Variants in AMBN observed in about 807,000 individuals in gnomAD.
AMBN encodes the protein ameloblastin, also known as enamel matrix protein.
In AMBN, 54 loss-of-function variants were observed where a neutral mutation model predicts 48.0. The observed-to-expected ratio is 1.12, with a 90% confidence interval of 0.90 to 1.41. AMBN has a LOEUF of 1.41. Among genes scored for constraint, AMBN ranks in the 40% most tolerant of loss-of-function variants. AMBN has a pLI of 0.00. For missense variants in AMBN, 571 were observed against 547.3 expected (o/e 1.04, Z -0.43); for synonymous variants, 186 against 190.0 (o/e 0.98, Z 0.17).
intron 1 of AMBN, among the ~76,000 whole-genome samples, chr4:70,592,754 T>C (rs577246599): frequency 1.3e-5 from 2 of 152,280 alleles, no homozygotes; most frequent in East Asian, 3.9e-4. Context: ...TTGAGACATA[T>C]TTTCCACTAA....
chr4:70,596,137 A>T (rs1453929759), intron 2 of AMBN, among the ~76,000 whole-genome samples: 1 of 152,126 alleles, frequency 6.6e-6, no homozygotes, highest in Non-Finnish European at 1.5e-5. Context: ...CAAAAATACA[A>T]AAATTAGCCG....
intron 2 of AMBN, among the ~76,000 whole-genome samples, chr4:70,595,371 G>GTAAATTTTGT (rs1156817401): frequency 3.2e-4 from 49 of 151,834 alleles, no homozygotes; most frequent in Non-Finnish European, 6.3e-4. Flanking sequence ...TATTTTTGTA[G>GTAAATTTTGT]AGACGCGGTT....
chr4:70,602,174 C>G (rs1737534644), intron 6 of AMBN, among the ~76,000 whole-genome samples: 1 of 152,054 alleles, frequency 6.6e-6, no homozygotes, highest in Non-Finnish European at 1.5e-5. Flanking sequence ...ATCATTCCCC[C>G]ATATCACCCT....
chr4:70,599,585 G>T lies in AMBN; in HGVS notation c.233G>T (p.Gly78Val), dbSNP rs145763811. ...TCATTTAATTCTTTGTGGATGCACG[G>T]TCTCCTCCCACCACATTCCTCTCTT... ...GKSFNSLWMHGLLPPHSSLPW... is the reference protein window; with the variant it reads ...GKSFNSLWMHVLLPPHSSLPW... Residue 78 changes from glycine to valine, a missense_variant, in exon 5 of 13, where the codon GGT becomes GTT. By Grantham distance (109) the Gly-to-Val change is moderately radical (BLOSUM62 -3). Transcript: ENST00000322937. The T allele has an allele frequency of 6.6e-4, 1,072 of 1,613,588 alleles. 7 individuals are homozygous for T. The African/African-American group carries it at 0.012, about 18-fold the overall frequency.
intron 6 of AMBN, 28 bp downstream of exon 6, chr4:70,601,682 A>G: frequency 1.2e-6 from 2 of 1,600,572 alleles, no homozygotes; most frequent in Non-Finnish European, 8.5e-7. Flanking sequence ...AAGTCAGATC[A>G]GAATCACCAG....
rs1402614812 is a variant in AMBN, at chr4:70,607,244, T to TA, written c.*520dup. The TA allele has an allele frequency of 3.3e-5, 5 of 152,726 alleles. No individual in the cohort carries two copies. Among genetic ancestry groups the TA allele is most frequent in the African/African-American group, 7.2e-5 (3 of 41,566 alleles). The allele number at this position is 152,726 out of a possible 1,614,324, so 9.5% of individuals were successfully genotyped here. A position where few individuals can be genotyped will look rare whatever the true frequency, so the allele number is the denominator to read the frequency against. On this transcript the variant is annotated 3_prime_UTR_variant, in exon 13 of 13. Coordinates refer to ENST00000322937, the MANE Select transcript of AMBN (RefSeq NM_016519.6). ...ATAGAGTATTTTATTTAATCTAGTATAAAAAATCTAGCCTATTTTAAATAA... is the reference window on the plus strand; with the variant it reads ...ATAGAGTATTTTATTTAATCTAGTATAAAAAAATCTAGCCTATTTTAAATAA...
At position 70,603,010 on chromosome 4, in the gene AMBN, A is replaced by G. The variant is rs1395602424; in HGVS notation, c.648A>G (p.Thr216=). ...GLDFADPQGS[T]IFQIARLISH... ...ATTTTGCTGATCCACAAGGTTCAACAGTAAGTACAGATCTCAATGAGACAC... is the reference window on the plus strand; with the variant it reads ...ATTTTGCTGATCCACAAGGTTCAACGGTAAGTACAGATCTCAATGAGACAC... Residue 216 remains threonine, a splice_region_variant and synonymous_variant, in exon 9 of 13, where the codon ACA becomes ACG. Coordinates refer to ENST00000322937, the MANE Select transcript of AMBN (RefSeq NM_016519.6). The G allele has an allele frequency of 3.1e-6, 5 of 1,605,500 alleles. No homozygotes were observed. Among genetic ancestry groups the G allele is most frequent in the African/African-American group, 1.3e-5 (1 of 74,800 alleles).
Position 70,606,390 on chromosome 4 carries a change from A to G in AMBN, c.1004A>G (p.Asn335Ser), listed in dbSNP as rs769371270. The G allele has an allele frequency of 6.2e-7, 1 of 1,613,966 alleles. No individual in the cohort carries two copies. Among genetic ancestry groups the G allele is most frequent in the Non-Finnish European group, 8.5e-7 (1 of 1,179,978 alleles). The part of the protein sequence containing the change: ...GSPMPEANPD[N>S]LENPAFLTEL... The stretch of plus-strand genomic sequence containing the variant: ...CCTATGCCGGAGGCCAACCCAGACA[A>G]TCTAGAAAACCCAGCTTTCCTTACA... Residue 335 changes from asparagine (N) to serine (S), a missense_variant, in exon 13 of 13, where the codon AAT (asparagine) becomes AGT (serine). Coordinates refer to ENST00000322937, the MANE Select transcript of AMBN (RefSeq NM_016519.6).
At chr4:70,593,427 A>T (rs373117636) in intron 2 of AMBN, 32 bp downstream of exon 2, 1 of 1,570,448 alleles carries the variant, frequency 6.4e-7, no homozygotes, top group Non-Finnish European at 8.8e-7. Context: ...GTCCCAGAAA[A>T]GGTTATTGAT....
At chr4:70,592,478 C>A in intron 1 of AMBN, 105 bp downstream of exon 1, 1 of 1,260,594 alleles carries the variant, frequency 7.9e-7, no homozygotes, top group Non-Finnish European at 1.1e-6. Context: ...TCACCAGTAG[C>A]TGAATTATTG....
intron 2 of AMBN, among the ~76,000 whole-genome samples, chr4:70,595,540 A>C (rs1324717584): frequency 6.6e-6 from 1 of 152,088 alleles, no homozygotes; most frequent in Non-Finnish European, 1.5e-5. Context: ...ACTATGACCC[A>C]GAAGGTGGGA....
intron 2 of AMBN, among the ~76,000 whole-genome samples, chr4:70,594,275 A>T (rs1737345518): frequency 6.6e-6 from 1 of 152,186 alleles, no homozygotes; most frequent in African/African-American, 2.4e-5. Context: ...CACCTGATCC[A>T]TTCTAGTATA....
intron 2 of AMBN, among the ~76,000 whole-genome samples, chr4:70,593,829 C>CAG (rs1332450171): frequency 4.7e-5 from 7 of 149,014 alleles, no homozygotes; most frequent in Non-Finnish European, 7.4e-5. Flanking sequence ...TGTGCCACTA[C>CAG]ACTCCAGCCT....
chr4:70,595,906 G>A (rs568747131), intron 2 of AMBN, among the ~76,000 whole-genome samples: 9 of 152,120 alleles, frequency 5.9e-5, no homozygotes, highest in Non-Finnish European at 1.0e-4. Context: ...CTATCATCCT[G>A]GCACTTTGGG....
chr4:70,592,471 C>A, intron 1 of AMBN, 98 bp downstream of exon 1: 1 of 1,330,552 alleles, frequency 7.5e-7, no homozygotes, highest in Non-Finnish European at 1.1e-6. Flanking sequence ...TCATTTGTCA[C>A]CAGTAGCTGA....
chr4:70,596,065 G>A (rs547878793), intron 2 of AMBN, among the ~76,000 whole-genome samples: 193 of 152,032 alleles, frequency 1.3e-3, no homozygotes, highest in African/African-American at 4.0e-3. Context: ...TAAGGTGGGC[G>A]GATCACTTGA....
intron 3 of AMBN, among the ~76,000 whole-genome samples, chr4:70,597,297 T>G (rs762881888): frequency 2.7e-4 from 41 of 152,192 alleles, no homozygotes; most frequent in Admixed American, 5.9e-4. Context: ...TAGTATTTAA[T>G]GCCTTATATA....
chr4:70,598,838 G>T (rs1737448910), intron 4 of AMBN, among the ~76,000 whole-genome samples: 1 of 151,848 alleles, frequency 6.6e-6, no homozygotes, highest in South Asian at 2.1e-4. Flanking sequence ...GCAATGGCAT[G>T]ATCTCGGCTC....
intron 2 of AMBN, among the ~76,000 whole-genome samples, chr4:70,594,160 A>G (rs1262419962): frequency 6.6e-6 from 1 of 152,240 alleles, no homozygotes; most frequent in East Asian, 1.9e-4. Flanking sequence ...CTAGTAATTA[A>G]CTAGCAAATT....
Sources: allele counts gnomAD v4.1 joint callset (sites outside exome capture counted in the v4.1 genomes callset), GRCh38; gene constraint gnomAD v4.1.1; transcripts MANE v1.5; gene names NCBI Gene and HGNC (gene_info 2026-07-23, HGNC 2026-07-21).